Variants in TENM2 observed in about 807,000 individuals in gnomAD.
TENM2 encodes teneurin transmembrane protein 2.
Under a neutral mutation model 245.2 loss-of-function variants are expected in TENM2, and 52 were observed. The ratio of observed to expected loss-of-function variants is 0.21; its 90% CI spans 0.17 to 0.27. The LOEUF is 0.27. Ranked by LOEUF, TENM2 falls within the 10% of genes least tolerant of loss-of-function variation. TENM2 has a pLI of 1.00. For synonymous variants in TENM2, 1,363 were observed against 1,438.9 expected (o/e 0.95, Z 1.19); for missense variants, 3,046 against 3,666.8 (o/e 0.83, Z 4.37).
chr5:167,432,582 A>C (rs1469719020), intron 2 of TENM2, among the ~76,000 whole-genome samples: 9 of 152,058 alleles, frequency 5.9e-5, no homozygotes, highest in Admixed American at 2.0e-4. Flanking sequence ...TATACCAAAC[A>C]GCAATAAATC....
intron 2 of TENM2, among the ~76,000 whole-genome samples, chr5:167,536,976 A>T (rs1351283487): frequency 6.6e-6 from 1 of 152,108 alleles, no homozygotes; most frequent in Non-Finnish European, 1.5e-5. Flanking sequence ...GTGAGCCAAG[A>T]TCACGCCACT....
the TENM2 span, among the ~76,000 whole-genome samples, chr5:167,082,884 A>G: frequency 6.6e-6 from 1 of 152,126 alleles, no homozygotes; most frequent in Admixed American, 6.6e-5. Context: ...GTTTTAAAAA[A>G]TAATTTTAAA....
At chr5:167,917,812 G>A (rs182068482) in intron 3 of TENM2, among the ~76,000 whole-genome samples, 14 of 152,248 alleles carry the variant, frequency 9.2e-5, no homozygotes, top group East Asian at 3.9e-4. Flanking sequence ...TTCAAAGTGC[G>A]TTGACTAGTT....
chr5:166,998,491 T>G, the TENM2 span, among the ~76,000 whole-genome samples: 506 of 152,178 alleles, frequency 3.3e-3, 14 homozygotes, highest in South Asian at 0.06. Context: ...AGTAATCAAT[T>G]TATAAAAAAA....
At chr5:167,736,328 T>A (rs749724883) in intron 2 of TENM2, among the ~76,000 whole-genome samples, 1 of 152,070 alleles carries the variant, frequency 6.6e-6, no homozygotes, top group Non-Finnish European at 1.5e-5. Context: ...GGAACTACAA[T>A]TCAAGATGAG....
At chr5:167,665,658 ACT>A (rs1443052669) in intron 2 of TENM2, among the ~76,000 whole-genome samples, 4 of 152,046 alleles carry the variant, frequency 2.6e-5, no homozygotes, top group Non-Finnish European at 5.9e-5. Flanking sequence ...ACATAAATTG[ACT>A]CTGATATTTG....
chr5:167,846,642 C>T (rs898670290), intron 2 of TENM2, among the ~76,000 whole-genome samples: 1 of 152,056 alleles, frequency 6.6e-6, no homozygotes, highest in Non-Finnish European at 1.5e-5. Context: ...AATTTAAATG[C>T]TAGAATATTT....
At chr5:167,779,895 A>G (rs541854609) in intron 2 of TENM2, among the ~76,000 whole-genome samples, 19 of 152,234 alleles carry the variant, frequency 1.2e-4, no homozygotes, top group Non-Finnish European at 2.4e-4. Context: ...AAGGAAACAC[A>G]GCCACTGTTA....
chr5:167,929,055 AAG>A (rs1229815397), intron 3 of TENM2, among the ~76,000 whole-genome samples: 19 of 113,146 alleles, frequency 1.7e-4, no homozygotes, highest in African/African-American at 2.3e-4. Flanking sequence ...AAAAGAAAGA[AAG>A]AGAGAAAGAA....
chr5:167,549,509 T>C (rs1262622145), intron 2 of TENM2, among the ~76,000 whole-genome samples: 2 of 152,212 alleles, frequency 1.3e-5, no homozygotes, highest in Non-Finnish European at 2.9e-5. Context: ...TTGTAACTAT[T>C]AGATTTCTGT....
rs143289543 is a variant in TENM2 at position 167,992,085 on chromosome 5, A to C, written c.948-859A>C. Among the ~76,000 whole-genome samples, 969 of 152,270 alleles carry C rather than the reference A, an allele frequency of 6.4e-3. 7 individuals are homozygous for C. The highest frequency in any genetic ancestry group is 0.018 in the Admixed American group (283 of 15,298). On this transcript the variant is annotated intron_variant, in intron 4 of 28. Coordinates refer to ENST00000518659, the Ensembl canonical transcript of TENM2. ...AGCTAAGCTATGAGGATGCAAAGGC[A>C]TAAGAATAATATAATAAACTTTGGG...
the TENM2 span, among the ~76,000 whole-genome samples, chr5:167,057,581 C>T: frequency 2.0e-5 from 3 of 152,094 alleles, no homozygotes; most frequent in African/African-American, 7.2e-5. Context: ...TTATGTGGGA[C>T]AGGATGGCTG....
intron 2 of TENM2, among the ~76,000 whole-genome samples, chr5:167,613,824 C>A (rs1170968293): frequency 6.6e-6 from 1 of 151,964 alleles, no homozygotes; most frequent in Non-Finnish European, 1.5e-5. Context: ...AGGTAAATAA[C>A]CTGCTAAGTA....
chr5:167,930,010 C>A (rs1425063001), intron 3 of TENM2, among the ~76,000 whole-genome samples: 1 of 152,138 alleles, frequency 6.6e-6, no homozygotes, highest in East Asian at 1.9e-4. Context: ...GAAAATACAG[C>A]CCAAAGCATT....
At chr5:167,371,958 A>G (rs1167987653) in intron 1 of TENM2, among the ~76,000 whole-genome samples, 4 of 152,196 alleles carry the variant, frequency 2.6e-5, no homozygotes, top group Admixed American at 6.5e-5. Context: ...TCCAGGTATT[A>G]ATACTTACAA....
At chr5:167,604,364 A>G (rs1222390863) in intron 2 of TENM2, among the ~76,000 whole-genome samples, 1 of 152,182 alleles carries the variant, frequency 6.6e-6, no homozygotes, top group Admixed American at 6.5e-5. Context: ...TTACCATTTC[A>G]TTGATGAAAC....
intron 2 of TENM2, among the ~76,000 whole-genome samples, chr5:167,820,479 A>C (rs560739496): frequency 1.2e-3 from 182 of 152,314 alleles, no homozygotes; most frequent in Admixed American, 5.0e-3. Context: ...TTGAAACTGC[A>C]GCCAGGACCT....
intron 3 of TENM2, among the ~76,000 whole-genome samples, chr5:167,943,613 G>T (rs1023007437): frequency 3.9e-5 from 6 of 152,144 alleles, no homozygotes; most frequent in Non-Finnish European, 8.8e-5. Flanking sequence ...TATGTGATGA[G>T]CTGGAATGAG....
chr5:168,003,879 A>G (rs1247063916), intron 5 of TENM2, among the ~76,000 whole-genome samples: 2 of 152,236 alleles, frequency 1.3e-5, no homozygotes, highest in African/African-American at 4.8e-5. Flanking sequence ...TATTTCAAGT[A>G]TAGTATGAAG....
Sources: gnomAD v4.1 joint callset for allele counts (sites outside exome capture counted in the v4.1 genomes callset) on GRCh38, gnomAD v4.1.1 for gene constraint, MANE v1.5 for transcripts, NCBI Gene and HGNC (gene_info 2026-07-23, HGNC 2026-07-21) for gene names.